Variants in SPON1 observed in about 807,000 individuals in gnomAD.
SPON1 encodes spondin 1.
Under a neutral mutation model 111.7 loss-of-function variants are expected in SPON1, and 52 were observed. That is an observed-to-expected ratio of 0.47 (90% CI 0.37 to 0.59). The LOEUF (loss-of-function observed/expected upper bound fraction) is 0.59, where lower values mean the gene tolerates loss of function less well. Among genes scored for constraint, SPON1 ranks in the 20% least tolerant of loss-of-function variants. SPON1 has a pLI of 0.00. For missense variants in SPON1, 957 were observed against 1,068.5 expected, an observed-to-expected ratio of 0.90 and a Z score of 1.46; for synonymous variants, 410 against 395.8, an observed-to-expected ratio of 1.04 and a Z score of -0.43.
At chr11:14,033,389 C>A (rs1291090282) in intron 2 of SPON1, among the ~76,000 whole-genome samples, 1 of 152,168 alleles carries the variant, frequency 6.6e-6, no homozygotes, top group Non-Finnish European at 1.5e-5. Context: ...CCTCTGGGAC[C>A]TTGATGCTGT....
At chr11:14,229,529 AC>A (rs1457366667) in intron 6 of SPON1, among the ~76,000 whole-genome samples, 1 of 151,922 alleles carries the variant, frequency 6.6e-6, no homozygotes, top group Non-Finnish European at 1.5e-5. Flanking sequence ...CATCAGAGGC[AC>A]CCCCTTCATT....
intron 2 of SPON1, among the ~76,000 whole-genome samples, chr11:14,016,016 T>A (rs1192412199): frequency 1.3e-5 from 2 of 152,278 alleles, no homozygotes; most frequent in South Asian, 4.1e-4. Context: ...GGATAGTTGA[T>A]GACTTATTCT....
chr11:14,002,874 T>A (rs929256743), intron 2 of SPON1, among the ~76,000 whole-genome samples: 3 of 152,010 alleles, frequency 2.0e-5, no homozygotes, highest in South Asian at 2.1e-4. Context: ...ATAATTTTTT[T>A]AAAAAACCCC....
Position 13,972,178 on chromosome 11 carries a change from T to G in SPON1, c.238+9036T>G, listed in dbSNP as rs1040973923. Among the ~76,000 whole-genome samples, 7 of 152,204 alleles carry G rather than the reference T, an allele frequency of 4.6e-5. No homozygotes were observed. In the South Asian group the frequency reaches 1.0e-3, roughly 23 times the overall value. ...GTGGTCTGTTAGGGGCAGGACATGA[T>G]AGAATGATTATCTCCTTGTCCTGGA... On this transcript the variant is annotated intron_variant, in intron 1 of 15. Transcript: ENST00000576479.
At chr11:14,130,228 T>C (rs190248529) in intron 5 of SPON1, among the ~76,000 whole-genome samples, 1 of 152,314 alleles carries the variant, frequency 6.6e-6, no homozygotes, top group Non-Finnish European at 1.5e-5. Flanking sequence ...CATGTTCATC[T>C]CCCTACATCC....
intron 6 of SPON1, among the ~76,000 whole-genome samples, chr11:14,142,777 G>A (rs964272179): frequency 6.6e-5 from 10 of 152,226 alleles, no homozygotes; most frequent in African/African-American, 2.2e-4. Flanking sequence ...GGAACCCACT[G>A]AAACTAACTT....
rs145459762 is a variant in SPON1, at chr11:14,262,593, T to C, written c.1997-119T>C. The C allele has an allele frequency of 4.2e-5, 55 of 1,321,622 alleles. No individual in the cohort carries two copies. In the East Asian group the frequency reaches 8.9e-4, roughly 21 times the overall value. 81.9% of individuals were successfully genotyped at this position (1,321,622 alleles called of 1,614,324 possible). The stretch of plus-strand genomic sequence containing the variant: ...AGCCTCAGTTTCTTCTTCTGTAAAA[T>C]AGCATGACACAGCACCTGCTTTGCA... On this transcript the variant is annotated intron_variant, in intron 14 of 15. Coordinates refer to ENST00000576479, the MANE Select transcript of SPON1 (RefSeq NM_006108.4).
chr11:14,139,325 A>G (rs1554928511), intron 6 of SPON1, among the ~76,000 whole-genome samples: 1 of 152,152 alleles, frequency 6.6e-6, no homozygotes, highest in Admixed American at 6.6e-5. Context: ...TGCCTCTTCC[A>G]GGAGGCTTTC....
In SPON1 at chr11:14,136,031, G is replaced by A. The variant is rs376704760; in HGVS notation, c.825+463G>A. 2.6e-5 allele frequency among the ~76,000 whole-genome samples: 4 copies of A among 152,166 alleles called. No individual in the cohort carries two copies. In the East Asian group the frequency reaches 7.7e-4, roughly 29 times the overall value. Reference sequence around the variant, plus strand: ...GTTCATCATAATCATTATGGACTGAGGCATCTTCTGTGTCCTATGCTGTGT... The same window carrying A: ...GTTCATCATAATCATTATGGACTGAAGCATCTTCTGTGTCCTATGCTGTGT... On this transcript the variant is annotated intron_variant, in intron 6 of 15. Coordinates refer to ENST00000576479, the MANE Select transcript of SPON1 (RefSeq NM_006108.4).
intron 2 of SPON1, 34 bp downstream of exon 2, chr11:13,982,987 C>T: frequency 7.1e-7 from 1 of 1,414,038 alleles, no homozygotes; most frequent in Non-Finnish European, 9.8e-7. Context: ...CAGTGGCCCT[C>T]CCTGCCCTAG....
At chr11:14,229,050 G>A (rs1184911866) in intron 6 of SPON1, among the ~76,000 whole-genome samples, 1 of 152,182 alleles carries the variant, frequency 6.6e-6, no homozygotes, top group Non-Finnish European at 1.5e-5. Context: ...GCTGGGAATT[G>A]CTGCATATAC....
intron 6 of SPON1, among the ~76,000 whole-genome samples, chr11:14,214,247 A>C (rs1564932575): frequency 6.6e-6 from 1 of 152,214 alleles, no homozygotes; most frequent in Admixed American, 6.5e-5. Flanking sequence ...AGCCGGATCA[A>C]ATCTTGGAAT....
chr11:14,142,277 A>G (rs544678486), intron 6 of SPON1, among the ~76,000 whole-genome samples: 46 of 152,244 alleles, frequency 3.0e-4, no homozygotes, highest in African/African-American at 9.6e-4. Context: ...GGTTTGTCCT[A>G]AGACCCCCTG....
In SPON1 at chr11:14,054,904, A is replaced by G. The variant is rs1437259860; in HGVS notation, c.479+13250A>G. 2.0e-5 allele frequency among the ~76,000 whole-genome samples: 3 copies of G among 152,198 alleles called. No homozygotes were observed. The East Asian group carries it at 5.8e-4, about 29-fold the overall frequency. The stretch of plus-strand genomic sequence containing the variant: ...GTGCAAATCGGTCTCAAAGTATAAA[A>G]TTAAACACATCTGTAGCTCCACGTA... On this transcript the variant is annotated intron_variant, in intron 3 of 15. Coordinates refer to ENST00000576479, the MANE Select transcript of SPON1 (RefSeq NM_006108.4).
chr11:14,204,698 T>G (rs556425345), intron 6 of SPON1, among the ~76,000 whole-genome samples: 1 of 127,976 alleles, frequency 7.8e-6, no homozygotes, highest in Non-Finnish European at 1.7e-5. Context: ...CTTTTTTGTT[T>G]GTTTGTTTTT....
In SPON1 at chr11:14,081,083, C is replaced by CA. The variant is rs71041567; in HGVS notation, c.676+1076dup. Among the ~76,000 whole-genome samples, 808 of 133,114 alleles carry CA rather than the reference C, an allele frequency of 6.1e-3. 3 individuals are homozygous for CA. The highest frequency in any genetic ancestry group is 0.02 in the Middle Eastern group (5 of 254). The allele number at this position is 133,114 out of a possible 152,430, so 87.3% of individuals were successfully genotyped here. A position where few individuals can be genotyped will look rare whatever the true frequency, so the allele number is the denominator to read the frequency against. On this transcript the variant is annotated intron_variant, in intron 5 of 15. Coordinates refer to ENST00000576479, the MANE Select transcript of SPON1 (RefSeq NM_006108.4). ...TGGGCAGCAGAGCAAGACTCTGACT[C>CA]AAAAAAAAAAAAAATCTTTTCATAA... is the stretch of plus-strand genomic sequence containing the variant.
chr11:14,259,736 A>C lies in SPON1; in HGVS notation c.1831+35A>C, dbSNP rs917268798. On this transcript the variant is annotated intron_variant, in intron 13 of 15. Coordinates refer to ENST00000576479, the MANE Select transcript of SPON1 (RefSeq NM_006108.4). The surrounding 1 kb of genome is among the most constrained non-coding windows in gnomAD (Gnocchi z 5.0). ...AGCGGGGGTGGACTTGGAGGAGGCC[A>C]CTGGGGACAGGCGTGGAGGGCCATG... The C allele has an allele frequency of 3.2e-6, 5 of 1,552,882 alleles. No individual in the cohort carries two copies. The African/African-American group carries it at 5.4e-5, about 17-fold the overall frequency.
intron 2 of SPON1, among the ~76,000 whole-genome samples, chr11:14,012,710 C>T (rs1169893544): frequency 6.6e-6 from 1 of 152,180 alleles, no homozygotes; most frequent in African/African-American, 2.4e-5. Context: ...TCTGAGGCTT[C>T]TGATGTCTGC....
At chr11:13,983,097 G>A (rs1848157128) in intron 2 of SPON1, 144 bp downstream of exon 2, 3 of 620,778 alleles carry the variant, frequency 4.8e-6, no homozygotes, top group Admixed American at 2.9e-5. Context: ...GGGTCATCAT[G>A]GAGCAAGCAG....
Sources: gnomAD v4.1 joint callset for allele counts (sites outside exome capture counted in the v4.1 genomes callset) on GRCh38, gnomAD v4.1.1 for gene constraint, Gnocchi (gnomAD v3.1) non-coding constraint, MANE v1.5 for transcripts, NCBI Gene and HGNC (gene_info 2026-07-23, HGNC 2026-07-21) for gene names.